Variants in PREX2 observed in about 807,000 individuals in gnomAD.
PREX2 encodes phosphatidylinositol 3,4,5-trisphosphate-dependent Rac exchanger 2 protein.
In PREX2, 107 loss-of-function variants were observed where a neutral mutation model predicts 203.2. That is an observed-to-expected ratio of 0.53 (90% CI 0.45 to 0.62). The LOEUF (loss-of-function observed/expected upper bound fraction) is 0.62, where lower values mean the gene tolerates loss of function less well. Ranked by LOEUF, PREX2 falls within the 20% of genes least tolerant of loss-of-function variation. PREX2 has a pLI of 0.00. For missense variants in PREX2, 1,777 were observed against 1,955.9 expected, an observed-to-expected ratio of 0.91 and a Z score of 1.72; for synonymous variants, 672 against 663.6, an observed-to-expected ratio of 1.01 and a Z score of -0.19.
At chr8:68,076,544 T>C (rs953576617) in intron 14 of PREX2, among the ~76,000 whole-genome samples, 1 of 151,932 alleles carries the variant, frequency 6.6e-6, no homozygotes, top group Non-Finnish European at 1.5e-5. Flanking sequence ...TATGAAGGTA[T>C]TGACAGTAGA....
chr8:68,059,270 T>G (rs994287396), intron 10 of PREX2, among the ~76,000 whole-genome samples: 2 of 146,748 alleles, frequency 1.4e-5, no homozygotes, highest in Admixed American at 6.8e-5. Flanking sequence ...GTATTTAGTG[T>G]TCTCTTAATG....
intron 15 of PREX2, among the ~76,000 whole-genome samples, chr8:68,078,176 T>C (rs1809404353): frequency 6.6e-6 from 1 of 152,168 alleles, no homozygotes; most frequent in Non-Finnish European, 1.5e-5. Flanking sequence ...TTTATTTATT[T>C]ATTTTTTGAG....
intron 33 of PREX2, among the ~76,000 whole-genome samples, chr8:68,138,788 T>A (rs1231602029): frequency 6.6e-6 from 1 of 152,216 alleles, no homozygotes; most frequent in Non-Finnish European, 1.5e-5. Context: ...ATAAATATAG[T>A]TAAAATATAT....
At chr8:68,152,839 C>A (rs1473347586) in intron 34 of PREX2, among the ~76,000 whole-genome samples, 1 of 152,140 alleles carries the variant, frequency 6.6e-6, no homozygotes, top group Admixed American at 6.5e-5. Context: ...CAACTATTGT[C>A]AGTTTCTTGC....
At chr8:68,004,431 A>G (rs545877615) in intron 1 of PREX2, among the ~76,000 whole-genome samples, 1 of 152,212 alleles carries the variant, frequency 6.6e-6, no homozygotes, top group Admixed American at 6.5e-5. Flanking sequence ...GGCAATGGGT[A>G]GTTATTTCAA....
intron 33 of PREX2, among the ~76,000 whole-genome samples, chr8:68,144,984 G>A (rs753242955): frequency 3.7e-4 from 57 of 152,078 alleles, no homozygotes; most frequent in Admixed American, 1.2e-3. Flanking sequence ...AAGATGAAGG[G>A]TATGGAATTT....
chr8:68,141,774 A>G (rs1811236069), intron 33 of PREX2, among the ~76,000 whole-genome samples: 1 of 152,172 alleles, frequency 6.6e-6, no homozygotes, highest in Admixed American at 6.6e-5. Context: ...ATGGGATGGC[A>G]CTGTTGAAAC....
chr8:67,981,251 G>T (rs1284722658), intron 1 of PREX2, among the ~76,000 whole-genome samples: 1 of 152,166 alleles, frequency 6.6e-6, no homozygotes, highest in Non-Finnish European at 1.5e-5. Context: ...CCTGGATAAA[G>T]GAGGGTGATA....
At chr8:68,157,847 G>GGAA (rs1467533541) in intron 35 of PREX2, among the ~76,000 whole-genome samples, 1 of 151,876 alleles carries the variant, frequency 6.6e-6, no homozygotes, top group Non-Finnish European at 1.5e-5. Flanking sequence ...TGTTCAGCAT[G>GGAA]GAAGATATGA....
chr8:68,173,562 T>C (rs1025856610), intron 35 of PREX2, among the ~76,000 whole-genome samples: 3 of 152,230 alleles, frequency 2.0e-5, no homozygotes, highest in Non-Finnish European at 2.9e-5. Context: ...CTAATTCATT[T>C]GACCTTAAGA....
At chr8:68,162,430 A>G (rs1811674985) in intron 35 of PREX2, among the ~76,000 whole-genome samples, 1 of 152,126 alleles carries the variant, frequency 6.6e-6, no homozygotes, top group South Asian at 2.1e-4. Flanking sequence ...TTACTTAGAA[A>G]TGACTCAGAC....
chr8:68,207,414 C>T (rs547514534), intron 37 of PREX2, among the ~76,000 whole-genome samples: 4 of 152,078 alleles, frequency 2.6e-5, no homozygotes, highest in African/African-American at 7.2e-5. Context: ...ATAAATAAAT[C>T]TAGTCTTTTA....
At chr8:68,158,661 A>G (rs1585835182) in intron 35 of PREX2, among the ~76,000 whole-genome samples, 1 of 152,280 alleles carries the variant, frequency 6.6e-6, no homozygotes. Context: ...GGTGATAGCC[A>G]GCAGTTTCAA....
chr8:68,158,858 G>A (rs530321607), intron 35 of PREX2, among the ~76,000 whole-genome samples: 2 of 152,008 alleles, frequency 1.3e-5, no homozygotes, highest in Non-Finnish European at 2.9e-5. Context: ...TGAGTTTCAA[G>A]GTGTCCATCA....
At chr8:68,182,679 T>C (rs1812107940) in intron 35 of PREX2, among the ~76,000 whole-genome samples, 1 of 151,906 alleles carries the variant, frequency 6.6e-6, no homozygotes. Flanking sequence ...TAAAGTTCGA[T>C]TCAGTTCAAT....
chr8:68,194,628 T>A lies in PREX2; in HGVS notation c.4604+2103T>A, dbSNP rs548934541. Among the ~76,000 whole-genome samples, 700 of 139,420 alleles carry A rather than the reference T, an allele frequency of 5.0e-3. 3 individuals carry two copies. The highest frequency in any genetic ancestry group is 7.5e-3 in the Non-Finnish European group (483 of 64,198). The allele number at this position is 139,420 out of a possible 152,430, so 91.5% of individuals were successfully genotyped here. On this transcript the variant is annotated intron_variant, in intron 37 of 39. Coordinates refer to ENST00000288368, the MANE Select transcript of PREX2 (RefSeq NM_024870.4). Reference sequence around the variant, plus strand: ...CAACATGGTGAAACCTCATCTCTACTAAAAAAAAAAAAAAATACAAAAATT... The same window carrying A: ...CAACATGGTGAAACCTCATCTCTACAAAAAAAAAAAAAAAATACAAAAATT...
intron 8 of PREX2, among the ~76,000 whole-genome samples, chr8:68,048,767 A>G (rs1014578705): frequency 1.9e-4 from 29 of 151,980 alleles, no homozygotes; most frequent in Non-Finnish European, 4.1e-4. Context: ...GAACTTTATA[A>G]TTTTGTATCC....
intron 35 of PREX2, among the ~76,000 whole-genome samples, chr8:68,157,715 A>C (rs1811569006): frequency 6.6e-6 from 1 of 152,082 alleles, no homozygotes; most frequent in Admixed American, 6.6e-5. Context: ...CGTTTCCAAG[A>C]AAGAAAATCA....
rs1360814492 is a variant in PREX2, at chr8:67,992,248, C to T, written c.142-25598C>T. 2.6e-5 allele frequency among the ~76,000 whole-genome samples: 4 copies of T among 152,334 alleles called. No individual in the cohort carries two copies. In the East Asian group the frequency reaches 7.7e-4, roughly 29 times the overall value. On this transcript the variant is annotated intron_variant, in intron 1 of 39. Coordinates refer to ENST00000288368, the MANE Select transcript of PREX2 (RefSeq NM_024870.4). ...TGTCTGCTCACTTTTCTTGCTATCT[C>T]TGTGGTTCTGCAAGGATATGGGTAG...
Sources: allele counts gnomAD v4.1 joint callset (sites outside exome capture counted in the v4.1 genomes callset), GRCh38; gene constraint gnomAD v4.1.1; transcripts MANE v1.5; gene names NCBI Gene and HGNC (gene_info 2026-07-23, HGNC 2026-07-21).